The following NR3C2 variants were observed in gnomAD, a reference collection of about 807,000 sequenced individuals.
The protein encoded by NR3C2 is nuclear receptor subfamily 3 group C member 2, also known as mineralocorticoid receptor.
In NR3C2, 15 loss-of-function variants were observed where a neutral mutation model predicts 86.4. The observed-to-expected ratio is 0.17, with a 90% CI of 0.12 to 0.27. The LOEUF is 0.27. Among genes scored for constraint, NR3C2 ranks in the 10% least tolerant of loss-of-function variants. The probability of loss-of-function intolerance (pLI) is 1.00; values close to 1 mark genes in which losing one functional copy is unlikely to be tolerated. For missense variants in NR3C2, 960 were observed against 1,195.6 expected, an observed-to-expected ratio of 0.80 and a Z score of 2.91; for synonymous variants, 458 against 450.5, an observed-to-expected ratio of 1.02 and a Z score of -0.21.
intron 8 of NR3C2, among the ~76,000 whole-genome samples, chr4:148,095,559 C>A (rs986897584): frequency 1.3e-5 from 2 of 152,158 alleles, no homozygotes; most frequent in African/African-American, 4.8e-5. Context: ...CAAGAGAGAC[C>A]AAAAGGCTCT....
At chr4:148,396,140 TA>T (rs1747847943) in intron 2 of NR3C2, among the ~76,000 whole-genome samples, 1 of 152,224 alleles carries the variant, frequency 6.6e-6, no homozygotes, top group Non-Finnish European at 1.5e-5. Context: ...TAAAACAAAA[TA>T]GTCTTGAATT....
intron 2 of NR3C2, among the ~76,000 whole-genome samples, chr4:148,394,707 C>T (rs953387712): frequency 6.6e-5 from 10 of 151,992 alleles, no homozygotes; most frequent in Admixed American, 1.3e-4. Context: ...AAATTAAAAA[C>T]ATGTAGCATC....
At chr4:148,268,198 C>A (rs926270870) in intron 2 of NR3C2, among the ~76,000 whole-genome samples, 4 of 152,272 alleles carry the variant, frequency 2.6e-5, no homozygotes, top group African/African-American at 9.6e-5. Context: ...CTTGGCCTCC[C>A]AAAGTGCTAG....
chr4:148,364,672 TA>T (rs1579209410), intron 2 of NR3C2, among the ~76,000 whole-genome samples: 2 of 152,246 alleles, frequency 1.3e-5, no homozygotes, highest in East Asian at 3.8e-4. Flanking sequence ...TTTATCTTTA[TA>T]ATACTTTCCT....
chr4:148,427,845 C>T (rs1477565632), intron 2 of NR3C2, among the ~76,000 whole-genome samples: 1 of 152,070 alleles, frequency 6.6e-6, no homozygotes, highest in Non-Finnish European at 1.5e-5. Context: ...TCTCAATGGG[C>T]TTCCATTGGC....
intron 2 of NR3C2, among the ~76,000 whole-genome samples, chr4:148,318,729 T>C (rs1743371344): frequency 6.6e-6 from 1 of 152,094 alleles, no homozygotes; most frequent in Non-Finnish European, 1.5e-5. Context: ...GGTTGTTTGT[T>C]TTTTTCTTGT....
At chr4:148,341,093 C>A (rs1323878667) in intron 2 of NR3C2, among the ~76,000 whole-genome samples, 1 of 152,002 alleles carries the variant, frequency 6.6e-6, no homozygotes, top group Non-Finnish European at 1.5e-5. Context: ...GATAGAAATA[C>A]CATATAATCC....
chr4:148,107,239 GA>G (rs1731841743), intron 8 of NR3C2, among the ~76,000 whole-genome samples: 1 of 152,048 alleles, frequency 6.6e-6, no homozygotes, highest in African/African-American at 2.4e-5. Flanking sequence ...CAGCAAACAT[GA>G]AAAAAAGCTC....
intron 2 of NR3C2, among the ~76,000 whole-genome samples, chr4:148,275,971 A>G (rs1740940844): frequency 6.6e-6 from 1 of 152,190 alleles, no homozygotes; most frequent in South Asian, 2.1e-4. Context: ...TGCCATCATA[A>G]TAAAGATGGG....
intron 4 of NR3C2, among the ~76,000 whole-genome samples, chr4:148,179,673 T>C (rs141581989): frequency 2.9e-4 from 44 of 151,832 alleles, no homozygotes; most frequent in African/African-American, 1.0e-3. Flanking sequence ...ATTAGATGTA[T>C]ATATTGAGCG....
chr4:148,382,237 C>T (rs552581959), intron 2 of NR3C2, among the ~76,000 whole-genome samples: 1 of 152,320 alleles, frequency 6.6e-6, no homozygotes, highest in East Asian at 1.9e-4. Flanking sequence ...TCTCTAGGAT[C>T]TCTAATGAGT....
intron 2 of NR3C2, among the ~76,000 whole-genome samples, chr4:148,406,637 C>T (rs2126551309): frequency 6.6e-6 from 1 of 152,278 alleles, no homozygotes; most frequent in South Asian, 2.1e-4. Flanking sequence ...GGCCATATTA[C>T]AAGTCTGGTC....
intron 3 of NR3C2, among the ~76,000 whole-genome samples, chr4:148,217,992 C>T (rs180680264): frequency 2.6e-5 from 4 of 152,298 alleles, no homozygotes; most frequent in Admixed American, 6.5e-5. Flanking sequence ...TGTCTATAAT[C>T]GCTGGGAGGT....
chr4:148,228,644 G>A (rs961956209), intron 3 of NR3C2, among the ~76,000 whole-genome samples: 2 of 152,082 alleles, frequency 1.3e-5, no homozygotes, highest in Non-Finnish European at 2.9e-5. Flanking sequence ...GTATCTTTTG[G>A]TAAGTGGAGT....
At position 148,343,414 on chromosome 4, in the gene NR3C2, CCTT is replaced by C. The variant is rs141546148; in HGVS notation, c.1758-83300_1758-83298del. ...CGGGATATCCGCCCCCCCGACCCCCCCTTTTTTTTAAATGTACTTAAACTTCAA... is the reference window on the plus strand; with the variant it reads ...CGGGATATCCGCCCCCCCGACCCCCCTTTTTTAAATGTACTTAAACTTCAA... On this transcript the variant is annotated intron_variant, in intron 2 of 8. Coordinates refer to ENST00000358102, the MANE Select transcript of NR3C2 (RefSeq NM_000901.5). Among the ~76,000 whole-genome samples, 162 of 151,922 alleles carry C rather than the reference CCTT, an allele frequency of 1.1e-3. 1 individual carries two copies. The highest frequency in any genetic ancestry group is 3.9e-3 in the African/African-American group (161 of 41,452).
chr4:148,139,637 C>T (rs1037069582), intron 6 of NR3C2, among the ~76,000 whole-genome samples: 1 of 152,208 alleles, frequency 6.6e-6, no homozygotes, highest in African/African-American at 2.4e-5. Flanking sequence ...GGTTGTCACA[C>T]CTGTAGGTAT....
intron 4 of NR3C2, among the ~76,000 whole-genome samples, chr4:148,187,019 T>A (rs1328066692): frequency 1.8e-5 from 2 of 108,500 alleles, no homozygotes; most frequent in Non-Finnish European, 3.8e-5. Flanking sequence ...TATATATATA[T>A]ATATATATAT....
chr4:148,326,730 G>A (rs1194837010), intron 2 of NR3C2, among the ~76,000 whole-genome samples: 3 of 151,976 alleles, frequency 2.0e-5, no homozygotes, highest in East Asian at 3.9e-4. Flanking sequence ...AGACAAGGAC[G>A]ACAGAGTTAA....
intron 2 of NR3C2, among the ~76,000 whole-genome samples, chr4:148,344,438 T>A (rs1240220290): frequency 1.3e-5 from 2 of 152,150 alleles, no homozygotes; most frequent in African/African-American, 4.8e-5. Context: ...GGGAGCTACA[T>A]AAACTTGGCA....
Sources: gnomAD v4.1 joint callset for allele counts (sites outside exome capture counted in the v4.1 genomes callset) on GRCh38, gnomAD v4.1.1 for gene constraint, MANE v1.5 for transcripts, NCBI Gene and HGNC (gene_info 2026-07-23, HGNC 2026-07-21) for gene names.